The following CUL1 variants were observed in gnomAD, a reference collection of about 807,000 sequenced individuals.
The protein encoded by CUL1 is cullin-1.
A neutral mutation model predicts 118.0 loss-of-function variants in CUL1; 24 were observed. The ratio of observed to expected loss-of-function variants is 0.20; its 90% CI spans 0.15 to 0.29. The LOEUF is 0.29. Among genes scored for constraint, CUL1 ranks in the 10% least tolerant of loss-of-function variants. CUL1 has a pLI of 1.00. For synonymous variants in CUL1, 332 were observed against 340.4 expected (o/e 0.98, Z 0.27); for missense variants, 361 against 933.8 (o/e 0.39, Z 7.99).
At chr7:148,702,385 G>A (rs918176064) in intron 1 of CUL1, among the ~76,000 whole-genome samples, 1 of 152,152 alleles carries the variant, frequency 6.6e-6, no homozygotes, top group African/African-American at 2.4e-5. Context: ...ATATTTCCTC[G>A]TTTTTAAAAT....
intron 7 of CUL1, among the ~76,000 whole-genome samples, chr7:148,761,811 A>G (rs1799840314): frequency 6.6e-6 from 1 of 152,226 alleles, no homozygotes; most frequent in African/African-American, 2.4e-5. Context: ...CTGTACTAGG[A>G]CAATGGTCCC....
chr7:148,783,455 A>G, intron 9 of CUL1: 6 of 985,466 alleles, frequency 6.1e-6, no homozygotes, highest in Non-Finnish European at 7.2e-6. Context: ...ACTGTTTAAC[A>G]AGGAGGAATT....
chr7:148,791,339 G>C lies in CUL1; in HGVS notation c.1806+898G>C, dbSNP rs551059957. On this transcript the variant is annotated intron_variant, in intron 16 of 21. Coordinates refer to ENST00000325222, the MANE Select transcript of CUL1 (RefSeq NM_003592.3). The stretch of plus-strand genomic sequence containing the variant: ...AAACTCCAGAATGGGTTGTTCTGCA[G>C]ACTCAAGCTGCTCATTAATTTAAAC... Among the ~76,000 whole-genome samples, 3 of 152,338 alleles carry C rather than the reference G, an allele frequency of 2.0e-5. No homozygotes were observed. In the South Asian group the frequency reaches 6.2e-4, roughly 32 times the overall value.
chr7:148,747,065 T>C (rs754388827), intron 2 of CUL1, among the ~76,000 whole-genome samples: 17 of 152,230 alleles, frequency 1.1e-4, no homozygotes, highest in Non-Finnish European at 2.2e-4. Context: ...CTTATGAATA[T>C]AATTGCTGTA....
intron 1 of CUL1, among the ~76,000 whole-genome samples, chr7:148,713,653 G>A (rs1422005592): frequency 6.6e-6 from 1 of 152,194 alleles, no homozygotes; most frequent in Non-Finnish European, 1.5e-5. Context: ...AATGATATGT[G>A]AGAATTCTTG....
chr7:148,726,217 G>A (rs954297890), intron 1 of CUL1, among the ~76,000 whole-genome samples: 1 of 152,198 alleles, frequency 6.6e-6, no homozygotes, highest in African/African-American at 2.4e-5. Context: ...GAACATATTT[G>A]ATGTGCTTAT....
intron 1 of CUL1, among the ~76,000 whole-genome samples, chr7:148,702,113 G>A (rs997586379): frequency 6.6e-6 from 1 of 152,160 alleles, no homozygotes; most frequent in African/African-American, 2.4e-5. Context: ...TTGGATAAAA[G>A]CCTTATGTTT....
intron 9 of CUL1, among the ~76,000 whole-genome samples, chr7:148,777,535 C>G (rs899149632): frequency 2.0e-5 from 3 of 152,188 alleles, no homozygotes; most frequent in Non-Finnish European, 4.4e-5. Context: ...GAGGAACTCC[C>G]TCTTCAAACA....
At chr7:148,714,367 T>G (rs1265521133) in intron 1 of CUL1, among the ~76,000 whole-genome samples, 1 of 152,208 alleles carries the variant, frequency 6.6e-6, no homozygotes, top group African/African-American at 2.4e-5. Context: ...TTTAAGCAAT[T>G]TTCAGTTTTC....
intron 1 of CUL1, among the ~76,000 whole-genome samples, chr7:148,711,407 C>G (rs1448203082): frequency 1.3e-5 from 2 of 152,154 alleles, no homozygotes; most frequent in Non-Finnish European, 2.9e-5. Context: ...TTGAGTGGTT[C>G]AGGGACCACG....
Position 148,752,141 on chromosome 7 carries a change from T to G in CUL1, c.141-1835T>G, listed in dbSNP as rs1304291948. On this transcript the variant is annotated intron_variant, in intron 2 of 21. Coordinates refer to ENST00000325222, the MANE Select transcript of CUL1 (RefSeq NM_003592.3). ...AAAACAAAACAAAATGTAGAACATGTGAAATATATTTGATACACATTTATC... is the reference window on the plus strand; with the variant it reads ...AAAACAAAACAAAATGTAGAACATGGGAAATATATTTGATACACATTTATC... Among the ~76,000 whole-genome samples, 4 of 152,166 alleles carry G rather than the reference T, an allele frequency of 2.6e-5. No homozygotes were observed. In the East Asian group the frequency reaches 7.7e-4, roughly 29 times the overall value.
chr7:148,779,829 A>G (rs1800555308), intron 9 of CUL1, among the ~76,000 whole-genome samples: 1 of 152,164 alleles, frequency 6.6e-6, no homozygotes, highest in African/African-American at 2.4e-5. Flanking sequence ...GGAGATTAGC[A>G]TTTGAGTCAG....
At chr7:148,777,794 G>T (rs1415117025) in intron 9 of CUL1, among the ~76,000 whole-genome samples, 2 of 151,824 alleles carry the variant, frequency 1.3e-5, no homozygotes, top group African/African-American at 4.8e-5. Context: ...GGTCAGGCAC[G>T]GTGGGTGATG....
chr7:148,752,579 T>TA (rs1799523372), intron 2 of CUL1, among the ~76,000 whole-genome samples: 2 of 152,190 alleles, frequency 1.3e-5, no homozygotes, highest in East Asian at 1.9e-4. Context: ...TTCATTTTTT[T>TA]AATTGCTTTA....
At chr7:148,721,558 T>G (rs558594825) in intron 1 of CUL1, among the ~76,000 whole-genome samples, 1 of 152,302 alleles carries the variant, frequency 6.6e-6, no homozygotes, top group East Asian at 1.9e-4. Flanking sequence ...TCAACATATG[T>G]ACAATGAAAC....
At chr7:148,706,991 C>G (rs1797905434) in intron 1 of CUL1, among the ~76,000 whole-genome samples, 1 of 152,008 alleles carries the variant, frequency 6.6e-6, no homozygotes, top group Admixed American at 6.6e-5. Context: ...ATTTGTTTTG[C>G]TGCTGTTACA....
chr7:148,712,970 A>G (rs183944625), intron 1 of CUL1, among the ~76,000 whole-genome samples: 1 of 152,330 alleles, frequency 6.6e-6, no homozygotes, highest in East Asian at 1.9e-4. Context: ...AAAAAAATGC[A>G]CTGAGTAATA....
At chr7:148,719,280 C>T (rs2129459256) in intron 1 of CUL1, among the ~76,000 whole-genome samples, 1 of 151,858 alleles carries the variant, frequency 6.6e-6, no homozygotes, top group South Asian at 2.1e-4. Flanking sequence ...CACTGCACTC[C>T]AGCCTTGGTG....
chr7:148,723,569 T>C (rs1041469864), intron 1 of CUL1, among the ~76,000 whole-genome samples: 2 of 152,162 alleles, frequency 1.3e-5, no homozygotes, highest in Non-Finnish European at 2.9e-5. Context: ...CTTATAAGGC[T>C]GCTTGTTGCA....
Sources: gnomAD v4.1 joint callset for allele counts (sites outside exome capture counted in the v4.1 genomes callset) on GRCh38, gnomAD v4.1.1 for gene constraint, MANE v1.5 for transcripts, NCBI Gene and HGNC (gene_info 2026-07-23, HGNC 2026-07-21) for gene names.